Variants in FMN1 observed in about 807,000 individuals in gnomAD.
The protein encoded by FMN1 is formin 1, also known as formin-1.
In FMN1, 110 loss-of-function variants were observed where a neutral mutation model predicts 132.4. The observed-to-expected ratio is 0.83, with a 90% confidence interval of 0.71 to 0.97. FMN1 has a LOEUF of 0.97. FMN1 is among the 50% of genes least tolerant of loss of function. The pLI is 0.00. For missense variants in FMN1, 1,792 were observed against 1,705.3 expected (o/e 1.05, Z -0.90); for synonymous variants, 722 against 651.7 (o/e 1.11, Z -1.64).
At chr15:32,866,168 C>T (rs916989284) in intron 16 of FMN1, among the ~76,000 whole-genome samples, 2 of 149,574 alleles carry the variant, frequency 1.3e-5, no homozygotes, top group Admixed American at 6.7e-5. Context: ...CATGACAAAT[C>T]TATACATATG....
intron 9 of FMN1, among the ~76,000 whole-genome samples, chr15:32,933,069 A>G (rs2061161550): frequency 6.6e-6 from 1 of 151,950 alleles, no homozygotes; most frequent in Middle Eastern, 3.2e-3. Flanking sequence ...CATGAAGTGT[A>G]GAGTCAGGTT....
chr15:32,801,472 A>G (rs528133163), intron 18 of FMN1, among the ~76,000 whole-genome samples: 22 of 152,132 alleles, frequency 1.4e-4, no homozygotes, highest in Non-Finnish European at 2.9e-4. Context: ...CGCTTCAAGA[A>G]TGTGCCTTAT....
rs566248690 is a variant in FMN1 at position 33,168,322 on chromosome 15, T to C, written c.-132+11876A>G. On this transcript the variant is annotated intron_variant, in intron 3 of 20. Coordinates refer to ENST00000616417, the MANE Select transcript of FMN1 (RefSeq NM_001277313.2). Reference sequence around the variant, plus strand: ...TATTTTGCTTCTCTTCAGAAAAATATGGTTAACAGATTGTGTTTATTAAGC... The same window carrying C: ...TATTTTGCTTCTCTTCAGAAAAATACGGTTAACAGATTGTGTTTATTAAGC... Among the ~76,000 whole-genome samples the C allele has an allele frequency of 2.0e-5, 3 of 152,370 alleles. No individual in the cohort carries two copies. In the East Asian group the frequency reaches 5.8e-4, roughly 29 times the overall value.
chr15:32,782,220 G>A (rs2140898043), intron 19 of FMN1, among the ~76,000 whole-genome samples: 1 of 152,244 alleles, frequency 6.6e-6, no homozygotes, highest in African/African-American at 2.4e-5. Flanking sequence ...ATCCATATTT[G>A]GGACCTCTCC....
At chr15:32,902,068 C>T in intron 12 of FMN1, 28 bp from the exon 13 acceptor site, 1 of 1,590,374 alleles carries the variant, frequency 6.3e-7, no homozygotes, top group Admixed American at 1.8e-5. Context: ...TGTCATCTAC[C>T]TTCACATATA....
chr15:33,094,129 G>A (rs995834167), intron 4 of FMN1, among the ~76,000 whole-genome samples: 1 of 152,164 alleles, frequency 6.6e-6, no homozygotes, highest in Non-Finnish European at 1.5e-5. Flanking sequence ...CGTGGGTACA[G>A]GGCTTTAACA....
intron 6 of FMN1, among the ~76,000 whole-genome samples, chr15:33,017,716 T>C (rs1212100753): frequency 6.6e-6 from 1 of 152,160 alleles, no homozygotes; most frequent in African/African-American, 2.4e-5. Context: ...AACTTCTAAT[T>C]CTCCAAGCCA....
At chr15:32,897,198 T>C (rs2060181179) in intron 15 of FMN1, among the ~76,000 whole-genome samples, 1 of 152,228 alleles carries the variant, frequency 6.6e-6, no homozygotes, top group Non-Finnish European at 1.5e-5. Flanking sequence ...TGTTGGCACC[T>C]GTTGGCTATT....
chr15:33,113,232 C>T (rs1265637450), intron 4 of FMN1, among the ~76,000 whole-genome samples: 1 of 138,588 alleles, frequency 7.2e-6, no homozygotes. Context: ...ATATTCTTAC[C>T]TAAAGGTCAG....
At chr15:32,965,065 T>C (rs987146073) in intron 8 of FMN1, among the ~76,000 whole-genome samples, 2 of 152,160 alleles carry the variant, frequency 1.3e-5, no homozygotes, top group Non-Finnish European at 2.9e-5. Context: ...AGAACACATC[T>C]CCCAAATGTT....
chr15:32,985,446 G>A (rs1204314507), intron 7 of FMN1, among the ~76,000 whole-genome samples: 1 of 152,094 alleles, frequency 6.6e-6, no homozygotes, highest in Non-Finnish European at 1.5e-5. Context: ...AGGGGTCACT[G>A]AATGAATGAA....
chr15:33,082,910 G>C (rs1009265578), intron 5 of FMN1, among the ~76,000 whole-genome samples: 1 of 151,902 alleles, frequency 6.6e-6, no homozygotes, highest in Non-Finnish European at 1.5e-5. Context: ...TGTAATATAG[G>C]CATGTCCCAT....
chr15:32,810,330 A>G (rs1035107710), intron 17 of FMN1, among the ~76,000 whole-genome samples: 2 of 152,200 alleles, frequency 1.3e-5, no homozygotes, highest in Non-Finnish European at 2.9e-5. Flanking sequence ...CTAATCTTCC[A>G]TCTTTTGTTT....
chr15:32,804,842 A>G (rs1163512153), intron 17 of FMN1, among the ~76,000 whole-genome samples: 1 of 151,942 alleles, frequency 6.6e-6, no homozygotes, highest in East Asian at 1.9e-4. Flanking sequence ...GCATGAACTT[A>G]CCCTTTTTTA....
chr15:32,860,877 C>T (rs899081948), intron 16 of FMN1: 5 of 152,150 alleles, frequency 3.3e-5, no homozygotes, highest in African/African-American at 1.2e-4. Flanking sequence ...TCCCATGAGT[C>T]ATAAGCAAGG....
At chr15:33,066,937 C>CTTCT (rs779330604) in intron 5 of FMN1, 3 of 1,613,874 alleles carry the variant, frequency 1.9e-6, no homozygotes, top group Non-Finnish European at 2.5e-6. Context: ...GCACTAAGGA[C>CTTCT]TTCTGCACAG....
chr15:32,962,392 G>C (rs1485668916), intron 9 of FMN1, among the ~76,000 whole-genome samples: 8 of 151,862 alleles, frequency 5.3e-5, no homozygotes, highest in Non-Finnish European at 1.2e-4. Context: ...AAAAACCCTA[G>C]AAGAAAACCT....
At chr15:32,831,432 G>A (rs1324175756) in intron 17 of FMN1, among the ~76,000 whole-genome samples, 1 of 152,106 alleles carries the variant, frequency 6.6e-6, no homozygotes, top group Non-Finnish European at 1.5e-5. Flanking sequence ...TTATAAAACA[G>A]GTGGGGCTTG....
At chr15:32,939,317 T>C (rs1412169720) in intron 9 of FMN1, among the ~76,000 whole-genome samples, 1 of 152,100 alleles carries the variant, frequency 6.6e-6, no homozygotes, top group East Asian at 1.9e-4. Context: ...TACCCAGATA[T>C]ATACCCATTA....
Sources: allele counts gnomAD v4.1 joint callset (sites outside exome capture counted in the v4.1 genomes callset), GRCh38; gene constraint gnomAD v4.1.1; transcripts MANE v1.5; gene names NCBI Gene and HGNC (gene_info 2026-07-23, HGNC 2026-07-21).